Variants in USP24 observed in about 807,000 individuals in gnomAD.
USP24 encodes the protein ubiquitin carboxyl-terminal hydrolase 24.
A neutral mutation model predicts 361.6 loss-of-function variants in USP24; 97 were observed. The ratio of observed to expected loss-of-function variants is 0.27; its 90% CI spans 0.23 to 0.32. The LOEUF (loss-of-function observed/expected upper bound fraction) is 0.32, where lower values mean the gene tolerates loss of function less well. USP24 is among the 10% of genes least tolerant of loss of function. The pLI is 1.00. For missense variants in USP24, 2,353 were observed against 3,165.6 expected, an observed-to-expected ratio of 0.74 and a Z score of 6.16; for synonymous variants, 1,098 against 1,124.6, an observed-to-expected ratio of 0.98 and a Z score of 0.47.
intron 1 of USP24, among the ~76,000 whole-genome samples, chr1:55,204,959 G>C (rs960656138): frequency 6.6e-6 from 1 of 152,150 alleles, no homozygotes; most frequent in African/African-American, 2.4e-5. Context: ...AACAGAAATA[G>C]CAGTCCCACC....
Position 55,137,652 on chromosome 1 carries a change from G to T in USP24, c.3064C>A (p.Leu1022Met). Residue 1022 changes from leucine (L) to methionine (M), a missense_variant, in exon 28 of 68, where the codon CTG becomes ATG. Physicochemically the swap from Leu to Met is conservative, Grantham distance 15. Coordinates refer to ENST00000294383, the MANE Select transcript of USP24 (RefSeq NM_015306.3). Reference sequence around the variant, plus strand: ...AGGATTTGTTCATCAGAAAAGCCCAGTTGGTGGAGTAGCTTTTGATCTTTA... The same window carrying T: ...AGGATTTGTTCATCAGAAAAGCCCATTTGGTGGAGTAGCTTTTGATCTTTA... ...VNKDQKLLHQ[L>M]GFSDEQILTV... 1 of 1,613,066 alleles carries T rather than the reference G, an allele frequency of 6.2e-7. No homozygotes were observed. Among genetic ancestry groups the T allele is most frequent in the Non-Finnish European group, 8.5e-7 (1 of 1,179,496 alleles).
At chr1:55,192,299 T>C (rs147652377) in intron 1 of USP24, among the ~76,000 whole-genome samples, 2 of 152,328 alleles carry the variant, frequency 1.3e-5, no homozygotes, top group African/African-American at 4.8e-5. Context: ...CCTGCTAGTT[T>C]AGAGATAAGC....
chr1:55,173,383 T>C (rs1158408692), intron 3 of USP24, among the ~76,000 whole-genome samples: 2 of 152,184 alleles, frequency 1.3e-5, no homozygotes, highest in Admixed American at 1.3e-4. Context: ...ATCTTATAAT[T>C]AGATACTTTC....
rs775451166 is a variant in USP24 at position 55,091,993 on chromosome 1, A to C, written c.6554+30T>G. The C allele has an allele frequency of 3.3e-6, 5 of 1,524,302 alleles. No homozygotes were observed. In the South Asian group the frequency reaches 5.9e-5, roughly 18 times the overall value. The allele number at this position is 1,524,302 out of a possible 1,614,324, so 94.4% of individuals were successfully genotyped here. A position where few individuals can be genotyped will look rare whatever the true frequency, so the allele number is the denominator to read the frequency against. ...TGAATTCACCAGTGCCCTCTGTCAC[A>C]ACAGATTATCAAAACATATCACTTC... On this transcript the variant is annotated intron_variant, in intron 54 of 67. Coordinates refer to ENST00000294383, the MANE Select transcript of USP24 (RefSeq NM_015306.3).
At chr1:55,145,321 A>C (rs1018121512) in intron 20 of USP24, among the ~76,000 whole-genome samples, 4 of 152,238 alleles carry the variant, frequency 2.6e-5, no homozygotes, top group African/African-American at 9.6e-5. Flanking sequence ...AATATTATAA[A>C]GCCATAAAAA....
intron 1 of USP24, among the ~76,000 whole-genome samples, chr1:55,205,274 T>C (rs903988078): frequency 2.0e-5 from 3 of 152,124 alleles, no homozygotes; most frequent in African/African-American, 7.2e-5. Context: ...AAATACACAC[T>C]GGAGTCATAT....
At chr1:55,214,620 C>A (rs1157887185) in intron 1 of USP24, among the ~76,000 whole-genome samples, 170 bp downstream of exon 1, 1 of 152,092 alleles carries the variant, frequency 6.6e-6, no homozygotes, top group Non-Finnish European at 1.5e-5. Flanking sequence ...AATCAAGTGA[C>A]TTCGGTTCCC....
chr1:55,095,641 G>C (rs575452690), intron 50 of USP24, among the ~76,000 whole-genome samples: 22 of 152,168 alleles, frequency 1.4e-4, no homozygotes, highest in Non-Finnish European at 2.5e-4. Flanking sequence ...AGGAATAAGG[G>C]AGCAGTATGG....
chr1:55,074,683 A>T (rs1009690406), intron 63 of USP24, among the ~76,000 whole-genome samples: 1 of 148,278 alleles, frequency 6.7e-6, no homozygotes, highest in African/African-American at 2.5e-5. Flanking sequence ...AATAAATAAA[A>T]ATAAAAAATA....
chr1:55,124,810 A>G (rs951115593), intron 34 of USP24, among the ~76,000 whole-genome samples, 182 bp from the exon 35 acceptor site: 5 of 152,112 alleles, frequency 3.3e-5, no homozygotes, highest in Non-Finnish European at 7.4e-5. Context: ...TTTATCTGTA[A>G]AACAGATTGA....
intron 39 of USP24, among the ~76,000 whole-genome samples, chr1:55,108,950 AC>A (rs1175963422): frequency 1.3e-5 from 2 of 152,166 alleles, no homozygotes; most frequent in African/African-American, 4.8e-5. Flanking sequence ...TCTCCACGAG[AC>A]CAATTCCACT....
chr1:55,109,142 C>A (rs1010457026), intron 39 of USP24, among the ~76,000 whole-genome samples: 1 of 152,202 alleles, frequency 6.6e-6, no homozygotes, highest in Non-Finnish European at 1.5e-5. Context: ...GCACGTGCCA[C>A]CACGCCCGGC....
At chr1:55,134,905 T>C (rs1570500511) in intron 28 of USP24, among the ~76,000 whole-genome samples, 1 of 152,172 alleles carries the variant, frequency 6.6e-6, no homozygotes, top group Non-Finnish European at 1.5e-5. Context: ...ACAAAATGGT[T>C]ATAACTGCAT....
chr1:55,161,778 T>C (rs1180342122), intron 8 of USP24, among the ~76,000 whole-genome samples: 3 of 152,146 alleles, frequency 2.0e-5, no homozygotes, highest in Non-Finnish European at 4.4e-5. Context: ...TCAGACAAGA[T>C]GTGCTGTTAA....
chr1:55,187,916 G>A (rs903196601), intron 1 of USP24, among the ~76,000 whole-genome samples: 4 of 151,984 alleles, frequency 2.6e-5, no homozygotes, highest in East Asian at 1.9e-4. Context: ...TGCAAAAAAC[G>A]ACAATCTAAC....
intron 41 of USP24, 38 bp downstream of exon 41, chr1:55,106,108 T>G: frequency 6.5e-7 from 1 of 1,543,954 alleles, no homozygotes. Context: ...CAAATTAGAA[T>G]TTTTACCAAA....
rs544725731 is a variant in USP24, at chr1:55,156,981, C to T, written c.1413G>A (p.Ser471=). 144 of 1,612,966 alleles carry T rather than the reference C, an allele frequency of 8.9e-5. 3 individuals are homozygous for T. Among genetic ancestry groups the T allele is most frequent in the South Asian group, 4.4e-4 (40 of 91,020 alleles). Residue 471 remains serine (S), a synonymous_variant, in exon 12 of 68, where the codon TCG becomes TCA. Coordinates refer to ENST00000294383, the MANE Select transcript of USP24 (RefSeq NM_015306.3). ...TCCAAATTTTAGTGAGTTCATCTAA[C>T]GACAATTTACTACCCAAGAGTTCAA... ...GIIELLGSKL[S]LDELTKIWKI... is the part of the protein sequence containing the mutation.
chr1:55,126,993 T>TC (rs1378234382), intron 32 of USP24, among the ~76,000 whole-genome samples: 1 of 152,208 alleles, frequency 6.6e-6, no homozygotes, highest in African/African-American at 2.4e-5. Context: ...CCTTCATTGG[T>TC]CCCTTTTAGT....
intron 40 of USP24, 101 bp downstream of exon 40, chr1:55,107,138 T>TG (rs2100533358): frequency 2.9e-6 from 4 of 1,392,096 alleles, no homozygotes; most frequent in Non-Finnish European, 3.9e-6. Context: ...CAATTTTCCA[T>TG]GGAACACTTG....
Sources: gnomAD v4.1 joint callset for allele counts (sites outside exome capture counted in the v4.1 genomes callset) on GRCh38, gnomAD v4.1.1 for gene constraint, MANE v1.5 for transcripts, NCBI Gene and HGNC (gene_info 2026-07-23, HGNC 2026-07-21) for gene names.